TBX1: variants seen among roughly 807,000 people sequenced by gnomAD.
The protein encoded by TBX1 is T-box transcription factor TBX1.
A neutral mutation model predicts 40.8 loss-of-function variants in TBX1; 16 were observed. The ratio of observed to expected loss-of-function variants is 0.39; its 90% CI spans 0.27 to 0.60. TBX1 has a LOEUF of 0.60. Ranked by LOEUF, TBX1 falls within the 20% of genes least tolerant of loss-of-function variation. TBX1 has a pLI of 0.51. For synonymous variants in TBX1, 403 were observed against 336.8 expected (o/e 1.20, Z -2.15); for missense variants, 755 against 728.5 (o/e 1.04, Z -0.42).
chr22:19,765,638 T>C, intron 4 of TBX1, 120 bp from the exon 5 acceptor site: 1 of 1,119,224 alleles, frequency 8.9e-7, no homozygotes, highest in African/African-American at 1.5e-5. Flanking sequence ...GGACTGGTTC[T>C]TGTCAGGGCA....
exon 9 of TBX1, chr22:19,779,287 G>A (rs1193990381): frequency 6.2e-7 from 1 of 1,614,190 alleles, no homozygotes; most frequent in Admixed American, 1.7e-5. Flanking sequence ...AGAGAGAAGT[G>A]GAGCTTCTGA....
rs1028072654 is a variant in TBX1 at position 19,761,075 on chromosome 22, G to C, written c.232G>C (p.Ala78Pro). 1 of 984,304 alleles carries C rather than the reference G, an allele frequency of 1.0e-6. No individual in the cohort carries two copies. Among genetic ancestry groups the C allele is most frequent in the Non-Finnish European group, 1.2e-6 (1 of 814,906 alleles). 61.0% of individuals were successfully genotyped at this position (984,304 alleles called of 1,614,324 possible). A position where few individuals can be genotyped will look rare whatever the true frequency, so the allele number is the denominator to read the frequency against. ...CCCGGGCCCGCCGCCGCCGCCGCAC[G>C]CCTACCCGTTTGCGCCGGCCGCCGG... ...GAPGPPPPPH[A>P]YPFAPAAGAA... The change falls in exon 1 of 7, where the codon GCC becomes CCC. Residue 78 changes from alanine to proline, a missense_variant. Physicochemically the swap from Ala to Pro is conservative, Grantham distance 27 (BLOSUM62 -1). Around this residue, in one of 3 missense-constraint regions of TBX1, gnomAD observed 199 missense variants for 173.0 expected, o/e 1.15. Coordinates refer to ENST00000649276, the MANE Select transcript of TBX1 (RefSeq NM_001379200.1).
chr22:19,778,521 A>G (rs41297992), intron 8 of TBX1, among the ~76,000 whole-genome samples: 1,931 of 149,524 alleles, frequency 0.013, 23 homozygotes, highest in South Asian at 0.046. Context: ...TGCAAACTCC[A>G]CCTCCTGGGC....
At chr22:19,768,317 C>T (rs949137593), downstream of TBX1, among the ~76,000 whole-genome samples, 12 of 152,228 alleles carry the variant, frequency 7.9e-5, no homozygotes, top group African/African-American at 2.9e-4. Context: ...TTCCAGATGT[C>T]CACCCTCGCG....
intron 1 of TBX1, among the ~76,000 whole-genome samples, chr22:19,762,195 C>G (rs1357045252): frequency 6.6e-6 from 1 of 152,252 alleles, no homozygotes. Context: ...ACAGCGGCAG[C>G]CCAGCCGCTG....
In TBX1 at chr22:19,767,071, T is replaced by G; in HGVS notation, c.*204T>G. On this transcript the variant is annotated 3_prime_UTR_variant, in exon 7 of 7. Transcript: ENST00000649276. ...GCTATCGAAGTATCCGGTTCCCCAG[T>G]CCCTGGAGCCACCGCGGGTCCTTCC... 7.9e-7 allele frequency: 1 copy of G among 1,266,534 alleles called. No individual in the cohort carries two copies. 78.5% of individuals were successfully genotyped at this position (1,266,534 alleles called of 1,614,324 possible). A position where few individuals can be genotyped will look rare whatever the true frequency, so the allele number is the denominator to read the frequency against.
Position 19,763,321 on chromosome 22 carries a change from C to A in TBX1, c.518C>A (p.Pro173Gln), listed in dbSNP as rs766205381. ...TATATGCTGCTCATGGACTTCGTGC[C>A]GGTGGACGATAAGCGCTACCGGTGA... ...ADYMLLMDFV[P>Q]VDDKRYRYAF... is the part of the protein sequence containing the mutation. Residue 173 changes from proline (P) to glutamine (Q), a missense_variant, in exon 2 of 7, where the codon CCG becomes CAG. Around this residue, in one of 3 missense-constraint regions of TBX1, gnomAD observed 144 missense variants for 238.0 expected, o/e 0.61. Coordinates refer to ENST00000649276, the MANE Select transcript of TBX1 (RefSeq NM_001379200.1). The A allele has an allele frequency of 3.1e-6, 5 of 1,614,178 alleles. No individual in the cohort carries two copies. In the Admixed American group the frequency reaches 5.0e-5, roughly 16 times the overall value.
downstream of TBX1, among the ~76,000 whole-genome samples, chr22:19,770,201 G>A (rs1300931936): frequency 2.0e-5 from 3 of 152,170 alleles, no homozygotes; most frequent in South Asian, 2.1e-4. Flanking sequence ...GACCAGAAGG[G>A]CCCCCAGACT....
downstream of TBX1, among the ~76,000 whole-genome samples, chr22:19,768,953 C>CTTTTTTGTTTTTTTTTTTTTTTTT (rs1936939576): frequency 1.5e-5 from 1 of 66,108 alleles, no homozygotes; most frequent in Non-Finnish European, 3.0e-5. Flanking sequence ...TGTTCGCATT[C>CTTTTTTGTTTTTTTTTTTTTTTTT]TTTTTTTTTT....
downstream of TBX1, among the ~76,000 whole-genome samples, chr22:19,780,348 T>C (rs932522441): frequency 1.8e-4 from 27 of 152,192 alleles, no homozygotes; most frequent in East Asian, 1.3e-3. Flanking sequence ...AGGCGCCTCA[T>C]GTAAGTGGAA....
rs930488228 is a variant in TBX1, at chr22:19,777,051, A to T, written c.1010-2169A>T. Among the ~76,000 whole-genome samples the T allele has an allele frequency of 1.3e-3, 189 of 149,914 alleles. 1 individual carries two copies. The highest frequency in any genetic ancestry group is 3.4e-3 in the African/African-American group (141 of 40,872). On this transcript the variant is annotated intron_variant, in intron 8 of 8. Transcript: ENST00000329705. ...TTGAACATTAAGGTTTTTTTAAAAA[A>T]TTTTAATTTAATATAATTTAATTAT...
At chr22:19,783,076 C>T (rs1937157660), downstream of TBX1, 1 of 787,980 alleles carries the variant, frequency 1.3e-6, no homozygotes, top group South Asian at 1.3e-5. Context: ...GAAGCCAAGG[C>T]TCCAAGCACC....
intron 3 of TBX1, 28 bp downstream of exon 3, chr22:19,764,354 T>G (rs572452193): frequency 6.2e-7 from 1 of 1,605,082 alleles, no homozygotes; most frequent in African/African-American, 1.3e-5. Context: ...CAGGCTCCGG[T>G]GTCCCCCAAG....
chr22:19,778,687 A>G (rs1295986590), intron 8 of TBX1, among the ~76,000 whole-genome samples: 1 of 152,172 alleles, frequency 6.6e-6, no homozygotes, highest in Non-Finnish European at 1.5e-5. Flanking sequence ...CGCCTGCCTC[A>G]GCCTCCCAAA....
chr22:19,763,066 G>A (rs1886340686), intron 1 of TBX1, among the ~76,000 whole-genome samples, 175 bp from the exon 2 acceptor site: 1 of 152,184 alleles, frequency 6.6e-6, no homozygotes, highest in Non-Finnish European at 1.5e-5. Context: ...GTTGAGTAGG[G>A]GCCTGCCCAG....
upstream of TBX1, chr22:19,759,629 G>T: frequency 6.2e-7 from 1 of 1,612,082 alleles, no homozygotes; most frequent in East Asian, 2.2e-5. Flanking sequence ...CTGGCTGCCA[G>T]GATCCCCGGC....
upstream of TBX1, chr22:19,759,810 G>C (rs894789814): frequency 3.2e-5 from 36 of 1,119,374 alleles, no homozygotes; most frequent in South Asian, 4.2e-4. Context: ...TGCGATTCTG[G>C]GGCAGAGAGG....
downstream of TBX1, among the ~76,000 whole-genome samples, chr22:19,771,914 G>C (rs737869): frequency 0.56 from 84,579 of 152,122 alleles, 24,365 homozygotes; most frequent in African/African-American, 0.7. Context: ...GTGCCAGCAT[G>C]TTGCTCTGGG....
intron 8 of TBX1, among the ~76,000 whole-genome samples, chr22:19,776,382 A>G (rs898653149): frequency 6.6e-6 from 1 of 152,174 alleles, no homozygotes; most frequent in Non-Finnish European, 1.5e-5. Flanking sequence ...CAAAAGTGCC[A>G]AAGTGTCCAT....
Sources: gnomAD v4.1 joint callset for allele counts (sites outside exome capture counted in the v4.1 genomes callset) on GRCh38, gnomAD v4.1.1 for gene constraint, gnomAD v4.1.1 regional missense constraint, MANE v1.5 for transcripts, NCBI Gene and HGNC (gene_info 2026-07-23, HGNC 2026-07-21) for gene names.